RPS6KC1: variants seen among roughly 807,000 people sequenced by gnomAD.
The protein encoded by RPS6KC1 is inactive ribosomal protein S6 kinase delta-1.
In RPS6KC1, 54 loss-of-function variants were observed where a neutral mutation model predicts 103.8. That is an observed-to-expected ratio of 0.52 (90% CI 0.42 to 0.65). RPS6KC1 has a LOEUF of 0.65. Ranked by LOEUF, RPS6KC1 falls within the 30% of genes least tolerant of loss-of-function variation. The pLI, the probability that RPS6KC1 is intolerant of heterozygous loss-of-function variation, is 0.00. For missense variants in RPS6KC1, 1,151 were observed against 1,253.8 expected (o/e 0.92, Z 1.24); for synonymous variants, 439 against 438.7 (o/e 1.00, Z -0.01).
At chr1:213,631,088 G>A in the RPS6KC1 span, among the ~76,000 whole-genome samples, 16 of 152,200 alleles carry the variant, frequency 1.1e-4, no homozygotes, top group African/African-American at 3.9e-4. Context: ...GGAGTGACCC[G>A]ATTTTCCAGG....
chr1:213,768,743 A>G, the RPS6KC1 span, among the ~76,000 whole-genome samples: 1 of 152,232 alleles, frequency 6.6e-6, no homozygotes, highest in East Asian at 1.9e-4. Context: ...TTTTGAAAGA[A>G]TATTAGTAAA....
chr1:213,629,467 C>G, the RPS6KC1 span, among the ~76,000 whole-genome samples: 1 of 152,130 alleles, frequency 6.6e-6, no homozygotes, highest in African/African-American at 2.4e-5. Flanking sequence ...TATTTTGAGC[C>G]TATGTGTGTT....
intron 3 of RPS6KC1, among the ~76,000 whole-genome samples, chr1:213,100,327 G>C (rs1299657751): frequency 1.3e-5 from 2 of 151,888 alleles, no homozygotes; most frequent in Non-Finnish European, 2.9e-5. Flanking sequence ...GTATATCTTA[G>C]ACACCAGTCG....
intron 8 of RPS6KC1, among the ~76,000 whole-genome samples, chr1:213,188,393 A>G (rs1333188798): frequency 6.6e-6 from 1 of 151,896 alleles, no homozygotes; most frequent in Admixed American, 6.6e-5. Flanking sequence ...TTCCCTTGCC[A>G]TCTGTTCAGA....
chr1:213,520,491 A>C, the RPS6KC1 span, among the ~76,000 whole-genome samples: 3 of 152,198 alleles, frequency 2.0e-5, no homozygotes, highest in Non-Finnish European at 4.4e-5. Flanking sequence ...GCGGGGACAC[A>C]GCCAAACCAT....
chr1:213,147,695 A>G (rs548721790), intron 6 of RPS6KC1, among the ~76,000 whole-genome samples: 3 of 152,306 alleles, frequency 2.0e-5, no homozygotes, highest in Admixed American at 1.3e-4. Context: ...TTGTGGTTCC[A>G]TATAAATTTT....
At chr1:213,151,482 C>T (rs2088892261) in intron 6 of RPS6KC1, among the ~76,000 whole-genome samples, 1 of 136,016 alleles carries the variant, frequency 7.4e-6, no homozygotes, top group African/African-American at 2.9e-5. Flanking sequence ...GCTGACCCCC[C>T]CACCTCCCTC....
chr1:213,821,063 G>C, the RPS6KC1 span: 5 of 152,188 alleles, frequency 3.3e-5, no homozygotes, highest in Non-Finnish European at 1.5e-5. Context: ...AAGGAGAAGA[G>C]GCTACAGCAA....
chr1:213,726,017 A>G, the RPS6KC1 span, among the ~76,000 whole-genome samples: 6 of 152,114 alleles, frequency 3.9e-5, no homozygotes, highest in Admixed American at 2.6e-4. Flanking sequence ...ATACTCCTCC[A>G]TATTTTCTAC....
the RPS6KC1 span, among the ~76,000 whole-genome samples, chr1:213,549,417 A>G: frequency 8.6e-5 from 13 of 152,024 alleles, no homozygotes; most frequent in Non-Finnish European, 1.9e-4. Context: ...TCCTTTTGAT[A>G]TTGTTTACTT....
chr1:213,333,514 C>T, the RPS6KC1 span, among the ~76,000 whole-genome samples: 2 of 152,122 alleles, frequency 1.3e-5, no homozygotes, highest in African/African-American at 4.8e-5. Context: ...AATTGTCTTG[C>T]GAGGTGCTCA....
At chr1:213,545,171 G>T in the RPS6KC1 span, among the ~76,000 whole-genome samples, 1 of 151,962 alleles carries the variant, frequency 6.6e-6, no homozygotes, top group African/African-American at 2.4e-5. Flanking sequence ...TTCGACACAA[G>T]CCTGGCCATC....
intron 8 of RPS6KC1, among the ~76,000 whole-genome samples, chr1:213,205,931 T>C (rs2093338014): frequency 6.6e-6 from 1 of 152,314 alleles, no homozygotes; most frequent in African/African-American, 2.4e-5. Context: ...ATCCCAAATC[T>C]GAAATGCTCC....
At chr1:213,764,198 G>A in the RPS6KC1 span, among the ~76,000 whole-genome samples, 13 of 152,170 alleles carry the variant, frequency 8.5e-5, no homozygotes, top group Non-Finnish European at 1.8e-4. Flanking sequence ...ACGGAAACAC[G>A]CAGAGAGAGA....
the RPS6KC1 span, among the ~76,000 whole-genome samples, chr1:213,592,547 C>G: frequency 6.6e-6 from 1 of 152,074 alleles, no homozygotes; most frequent in Non-Finnish European, 1.5e-5. Flanking sequence ...GCCACAGGAC[C>G]CACCCTTCTC....
chr1:213,144,542 T>C (rs574143772), intron 6 of RPS6KC1, among the ~76,000 whole-genome samples: 1 of 152,180 alleles, frequency 6.6e-6, no homozygotes, highest in East Asian at 1.9e-4. Context: ...TGTGAGCCAC[T>C]GCACCTGGCC....
chr1:213,848,795 A>T, the RPS6KC1 span, among the ~76,000 whole-genome samples: 1 of 152,120 alleles, frequency 6.6e-6, no homozygotes, highest in African/African-American at 2.4e-5. Context: ...TAATGCTCTA[A>T]CCCATCTATG....
At chr1:213,150,523 G>T (rs1313805089) in intron 6 of RPS6KC1, among the ~76,000 whole-genome samples, 1 of 150,428 alleles carries the variant, frequency 6.6e-6, no homozygotes, top group Non-Finnish European at 1.5e-5. Flanking sequence ...CTCTTAACGA[G>T]CACGCTGCCT....
rs141058184 is a variant in RPS6KC1 at position 213,178,544 on chromosome 1, A to C, written c.1044+2052A>C. On this transcript the variant is annotated intron_variant, in intron 8 of 14. Coordinates refer to ENST00000366960, the MANE Select transcript of RPS6KC1 (RefSeq NM_012424.6). ...CGACAGACTGAGACTCTGTCTCAAA[A>C]AAACAAACAAACAAACAAAAAAAAA... Among the ~76,000 whole-genome samples the C allele has an allele frequency of 5.7e-3, 865 of 152,040 alleles. 9 individuals are homozygous for C. Among genetic ancestry groups the C allele is most frequent in the African/African-American group, 0.017 (715 of 41,428 alleles).
Sources: allele counts gnomAD v4.1 joint callset (sites outside exome capture counted in the v4.1 genomes callset), GRCh38; gene constraint gnomAD v4.1.1; transcripts MANE v1.5; gene names NCBI Gene and HGNC (gene_info 2026-07-23, HGNC 2026-07-21).